Variants in TFCP2 observed in about 807,000 individuals in gnomAD.
TFCP2 encodes the protein alpha-globin transcription factor CP2.
A neutral mutation model predicts 73.4 loss-of-function variants in TFCP2; 33 were observed. The observed-to-expected ratio is 0.45, with a 90% CI of 0.34 to 0.60. The LOEUF (loss-of-function observed/expected upper bound fraction) is 0.60, where lower values mean the gene tolerates loss of function less well. Ranked by LOEUF, TFCP2 falls within the 20% of genes least tolerant of loss-of-function variation. The pLI is 0.01. For synonymous variants in TFCP2, 193 were observed against 211.6 expected (o/e 0.91, Z 0.76); for missense variants, 352 against 604.0 (o/e 0.58, Z 4.37).
chr12:51,100,256 A>T (rs1940077989), intron 11 of TFCP2, among the ~76,000 whole-genome samples: 1 of 152,190 alleles, frequency 6.6e-6, no homozygotes, highest in South Asian at 2.1e-4. Flanking sequence ...ACTTTTTACT[A>T]AAAAATGCCA....
At chr12:51,102,381 G>A (rs1223431823) in intron 10 of TFCP2, among the ~76,000 whole-genome samples, 2 of 151,868 alleles carry the variant, frequency 1.3e-5, no homozygotes, top group Non-Finnish European at 2.9e-5. Context: ...CGACTGTTAG[G>A]AGTTCAAGAC....
chr12:51,146,188 G>A (rs1377382934), intron 1 of TFCP2, among the ~76,000 whole-genome samples: 3 of 151,604 alleles, frequency 2.0e-5, no homozygotes, highest in Admixed American at 6.6e-5. Flanking sequence ...CTCAGCTGTT[G>A]TCTCAGCTAC....
intron 1 of TFCP2, among the ~76,000 whole-genome samples, chr12:51,157,218 C>T (rs1438557180): frequency 2.6e-5 from 4 of 152,016 alleles, no homozygotes; most frequent in Non-Finnish European, 5.9e-5. Flanking sequence ...GACGGGGTTT[C>T]ACTATGTTGG....
chr12:51,121,406 G>A (rs1033291860), intron 1 of TFCP2, among the ~76,000 whole-genome samples: 7 of 150,498 alleles, frequency 4.7e-5, no homozygotes, highest in African/African-American at 9.8e-5. Flanking sequence ...GAGACAGAGC[G>A]AGACTCCATC....
intron 1 of TFCP2, among the ~76,000 whole-genome samples, chr12:51,135,260 C>T (rs1941035462): frequency 6.6e-6 from 1 of 151,358 alleles, no homozygotes; most frequent in South Asian, 2.1e-4. Context: ...AACCCCATCT[C>T]TACTAAAAAT....
At chr12:51,124,400 TA>T (rs1389822540) in intron 1 of TFCP2, among the ~76,000 whole-genome samples, 4 of 152,212 alleles carry the variant, frequency 2.6e-5, no homozygotes, top group Admixed American at 6.5e-5. Context: ...ACTAATTGGT[TA>T]TTTTTTTCTT....
intron 1 of TFCP2, among the ~76,000 whole-genome samples, chr12:51,125,741 A>G (rs1466894459): frequency 6.6e-6 from 1 of 152,188 alleles, no homozygotes; most frequent in Non-Finnish European, 1.5e-5. Context: ...ACTCAGCACT[A>G]TATACACTAT....
intron 1 of TFCP2, chr12:51,124,855 G>T: frequency 1.5e-6 from 2 of 1,303,542 alleles, no homozygotes; most frequent in Non-Finnish European, 2.2e-6. Flanking sequence ...TGAGCCACCT[G>T]TTTGGCTTCC....
At chr12:51,151,475 C>T (rs933518610) in intron 1 of TFCP2, among the ~76,000 whole-genome samples, 2 of 152,142 alleles carry the variant, frequency 1.3e-5, no homozygotes, top group African/African-American at 2.4e-5. Flanking sequence ...CTCTCCCTGT[C>T]GCCCAGGCTG....
At chr12:51,104,251 G>A (rs771175254) in intron 8 of TFCP2, 48 bp from the exon 9 acceptor site, 8 of 1,516,778 alleles carry the variant, frequency 5.3e-6, no homozygotes, top group South Asian at 1.2e-5. Flanking sequence ...CACATGCTGG[G>A]GCTCATTATT....
At chr12:51,097,989 T>C (rs1295330297) in intron 13 of TFCP2, among the ~76,000 whole-genome samples, 1 of 151,576 alleles carries the variant, frequency 6.6e-6, no homozygotes, top group Non-Finnish European at 1.5e-5. Flanking sequence ...CACAACAGCC[T>C]GGGCGACAGA....
intron 1 of TFCP2, among the ~76,000 whole-genome samples, chr12:51,157,214 G>A (rs1385467600): frequency 2.6e-5 from 4 of 151,980 alleles, no homozygotes; most frequent in Non-Finnish European, 5.9e-5. Context: ...TGGAGACGGG[G>A]TTTCACTATG....
At chr12:51,139,176 C>T (rs190993913) in intron 1 of TFCP2, among the ~76,000 whole-genome samples, 204 of 152,290 alleles carry the variant, frequency 1.3e-3, no homozygotes, top group Non-Finnish European at 1.6e-3. Flanking sequence ...ATCCTCTAAC[C>T]TGCAGCCAGA....
chr12:51,117,572 C>G, intron 3 of TFCP2, 99 bp downstream of exon 3: 1 of 877,898 alleles, frequency 1.1e-6, no homozygotes, highest in Non-Finnish European at 1.8e-6. Context: ...TACCATTAAG[C>G]CATTGGAAGC....
In TFCP2 at chr12:51,164,900, A is replaced by C. The variant is rs1941722180; in HGVS notation, c.122+7401T>G. Among the ~76,000 whole-genome samples the C allele has an allele frequency of 2.0e-5, 3 of 152,224 alleles. No homozygotes were observed. In the South Asian group the frequency reaches 6.2e-4, roughly 31 times the overall value. On this transcript the variant is annotated intron_variant, in intron 1 of 14. Transcript: ENST00000257915. ...GATAAACAAAAACCTCCCAACAAAG[A>C]AAAGTCCAGTATCACATGGCTGCAT...
At chr12:51,155,669 G>A (rs1293140100) in intron 1 of TFCP2, among the ~76,000 whole-genome samples, 4 of 152,184 alleles carry the variant, frequency 2.6e-5, no homozygotes, top group Non-Finnish European at 5.9e-5. Context: ...TGGTCATGGT[G>A]TATAATCCTT....
chr12:51,107,549 T>C (rs1253298987), intron 6 of TFCP2, among the ~76,000 whole-genome samples: 1 of 152,166 alleles, frequency 6.6e-6, no homozygotes, highest in African/African-American at 2.4e-5. Context: ...CTATAGCTAC[T>C]GACATGGAAA....
rs187038891 is a variant in TFCP2 at position 51,095,160 on chromosome 12, T to C, written c.*81A>G. ...AGTCAGGTTCTTGCAGACCTTCAAA[T>C]CTCCATTCATATCCCCCTTCAAGAG... is the stretch of plus-strand genomic sequence containing the variant. On this transcript the variant is annotated 3_prime_UTR_variant, in exon 15 of 15. Coordinates refer to ENST00000257915, the MANE Select transcript of TFCP2 (RefSeq NM_005653.5). The C allele has an allele frequency of 2.5e-4, 373 of 1,469,678 alleles. 1 individual carries two copies. The highest frequency in any genetic ancestry group is 8.6e-6 in the Non-Finnish European group (9 of 1,048,636). The allele number at this position is 1,469,678 out of a possible 1,614,324, so 91.0% of individuals were successfully genotyped here.
At chr12:51,098,716 T>A in intron 13 of TFCP2, 60 bp downstream of exon 13, 2 of 1,590,428 alleles carry the variant, frequency 1.3e-6, no homozygotes, top group Non-Finnish European at 1.7e-6. Flanking sequence ...GAACTGCTCT[T>A]GCTCCATGCG....
Sources: gnomAD v4.1 joint callset for allele counts (sites outside exome capture counted in the v4.1 genomes callset) on GRCh38, gnomAD v4.1.1 for gene constraint, MANE v1.5 for transcripts, NCBI Gene and HGNC (gene_info 2026-07-23, HGNC 2026-07-21) for gene names.